GRIA1: variants seen among roughly 807,000 people sequenced by gnomAD.
The protein encoded by GRIA1 is glutamate receptor 1.
In GRIA1, 31 loss-of-function variants were observed where a neutral mutation model predicts 99.2. That is an observed-to-expected ratio of 0.31 (90% confidence interval 0.23 to 0.42). GRIA1 has a LOEUF of 0.42. Among genes scored for constraint, GRIA1 ranks in the 10% least tolerant of loss-of-function variants. The pLI is 1.00. For synonymous variants in GRIA1, 438 were observed against 432.4 expected, an observed-to-expected ratio of 1.01 and a Z score of -0.16; for missense variants, 782 against 1,157.5, an observed-to-expected ratio of 0.68 and a Z score of 4.71.
intron 2 of GRIA1, among the ~76,000 whole-genome samples, chr5:153,629,208 A>G (rs1752748865): frequency 6.6e-6 from 1 of 151,986 alleles, no homozygotes; most frequent in Admixed American, 6.6e-5. Flanking sequence ...CCTCCTCCTC[A>G]TTTCCTCTTC....
Position 153,693,344 on chromosome 5 carries a change from C to T in GRIA1, c.1135-4700C>T, listed in dbSNP as rs7712420. Among the ~76,000 whole-genome samples the T allele has an allele frequency of 4.1e-3, 624 of 152,126 alleles. 5 individuals carry two copies. Among genetic ancestry groups the T allele is most frequent in the African/African-American group, 0.014 (591 of 41,480 alleles). ...TGTCATTGCTGGCCAGGTAGCCACTCTCCACCAACATCTCTACACCATGGA... is the reference window on the plus strand; with the variant it reads ...TGTCATTGCTGGCCAGGTAGCCACTTTCCACCAACATCTCTACACCATGGA... On this transcript the variant is annotated intron_variant, in intron 8 of 15. Coordinates refer to ENST00000285900, the MANE Select transcript of GRIA1 (RefSeq NM_000827.4).
At chr5:153,626,448 G>GTC (rs1363615980) in intron 2 of GRIA1, among the ~76,000 whole-genome samples, 1 of 63,588 alleles carries the variant, frequency 1.6e-5, no homozygotes, top group Non-Finnish European at 3.2e-5. Flanking sequence ...GTGTGTCTGT[G>GTC]TGTGTGTGTG....
At chr5:153,648,174 G>A (rs1310473813) in intron 3 of GRIA1, among the ~76,000 whole-genome samples, 1 of 152,162 alleles carries the variant, frequency 6.6e-6, no homozygotes, top group African/African-American at 2.4e-5. Context: ...TTAGGCAGGC[G>A]TCGTTCAGAT....
At chr5:153,711,269 G>A (rs1020975674) in intron 11 of GRIA1, among the ~76,000 whole-genome samples, 1 of 152,134 alleles carries the variant, frequency 6.6e-6, no homozygotes, top group Non-Finnish European at 1.5e-5. Context: ...AATGAATTGC[G>A]GCAGAGAAGA....
At chr5:153,605,793 A>G (rs1034419681) in intron 2 of GRIA1, among the ~76,000 whole-genome samples, 2 of 152,192 alleles carry the variant, frequency 1.3e-5, no homozygotes, top group Non-Finnish European at 2.9e-5. Context: ...TTTTTAAGTG[A>G]TAACAGTTAA....
chr5:153,622,306 G>A (rs555638461), intron 2 of GRIA1, among the ~76,000 whole-genome samples: 1 of 152,138 alleles, frequency 6.6e-6, no homozygotes. Context: ...AAGGAAAATC[G>A]TGGGGCCCCA....
At chr5:153,794,756 A>G (rs1765534229) in intron 14 of GRIA1, 21 bp downstream of exon 14, 1 of 1,475,904 alleles carries the variant, frequency 6.8e-7, no homozygotes, top group Non-Finnish European at 9.4e-7. Flanking sequence ...GTAAGAAAAA[A>G]AAAAACCTAG....
intron 5 of GRIA1, among the ~76,000 whole-genome samples, chr5:153,660,311 T>C (rs1234316368): frequency 3.9e-5 from 6 of 152,194 alleles, no homozygotes; most frequent in Non-Finnish European, 5.9e-5. Flanking sequence ...TTCTAGACAC[T>C]ATGATAAACA....
At chr5:153,638,486 C>G (rs1341357216) in intron 2 of GRIA1, among the ~76,000 whole-genome samples, 1 of 152,226 alleles carries the variant, frequency 6.6e-6, no homozygotes, top group Non-Finnish European at 1.5e-5. Context: ...TTTCCTCTGG[C>G]TGGTAGCTTA....
intron 2 of GRIA1, among the ~76,000 whole-genome samples, chr5:153,500,944 A>C (rs1302081099): frequency 1.3e-5 from 2 of 152,134 alleles, no homozygotes; most frequent in Non-Finnish European, 2.9e-5. Context: ...CTTATTTATA[A>C]AATGAAGCTC....
chr5:153,541,896 C>T (rs562653786), intron 2 of GRIA1, among the ~76,000 whole-genome samples: 36 of 142,702 alleles, frequency 2.5e-4, no homozygotes, highest in Non-Finnish European at 4.6e-4. Flanking sequence ...CGCCACTGCA[C>T]ACCAGCCGGG....
At chr5:153,734,270 G>A (rs1003157987) in intron 11 of GRIA1, among the ~76,000 whole-genome samples, 1 of 152,188 alleles carries the variant, frequency 6.6e-6, no homozygotes, top group African/African-American at 2.4e-5. Context: ...GCTCATAGCA[G>A]GTGCTCAATA....
At chr5:153,632,410 G>A (rs995859365) in intron 2 of GRIA1, among the ~76,000 whole-genome samples, 1 of 152,196 alleles carries the variant, frequency 6.6e-6, no homozygotes, top group African/African-American at 2.4e-5. Flanking sequence ...TCTGATGGGG[G>A]AGAAAATCCT....
intron 5 of GRIA1, among the ~76,000 whole-genome samples, chr5:153,661,163 T>A (rs533914598): frequency 5.9e-5 from 9 of 152,316 alleles, no homozygotes; most frequent in African/African-American, 2.2e-4. Context: ...GCTGAGCTCA[T>A]CCACTTTCTT....
chr5:153,515,819 T>C (rs1165219853), intron 2 of GRIA1, among the ~76,000 whole-genome samples: 1 of 152,216 alleles, frequency 6.6e-6, no homozygotes, highest in African/African-American at 2.4e-5. Flanking sequence ...GGTAGATGTC[T>C]TTTTTAACCA....
At chr5:153,603,540 AC>A (rs1765186435) in intron 2 of GRIA1, among the ~76,000 whole-genome samples, 1 of 151,968 alleles carries the variant, frequency 6.6e-6, no homozygotes, top group East Asian at 1.9e-4. Context: ...TTAAAAAAAA[AC>A]AGTTACCAGT....
intron 2 of GRIA1, among the ~76,000 whole-genome samples, chr5:153,514,886 C>G (rs1197320325): frequency 6.6e-6 from 1 of 151,796 alleles, no homozygotes; most frequent in Non-Finnish European, 1.5e-5. Context: ...CAGGAAAATG[C>G]AAATTAAAAC....
chr5:153,517,743 C>A (rs543359741), intron 2 of GRIA1, among the ~76,000 whole-genome samples: 4 of 152,344 alleles, frequency 2.6e-5, no homozygotes, highest in Non-Finnish European at 5.9e-5. Context: ...CCGTATCCCT[C>A]ACACTGTGAT....
At chr5:153,602,384 G>A (rs967050504) in intron 2 of GRIA1, among the ~76,000 whole-genome samples, 1 of 151,536 alleles carries the variant, frequency 6.6e-6, no homozygotes, top group Non-Finnish European at 1.5e-5. Flanking sequence ...CTGTTGTGGG[G>A]TGGGGGGAGT....
Sources: allele counts gnomAD v4.1 joint callset (sites outside exome capture counted in the v4.1 genomes callset), GRCh38; gene constraint gnomAD v4.1.1; transcripts MANE v1.5; gene names NCBI Gene and HGNC (gene_info 2026-07-23, HGNC 2026-07-21).